The following IDUA variants were observed in gnomAD, a reference collection of about 807,000 sequenced individuals.
IDUA encodes alpha-L-iduronidase.
IDUA carries 65 observed loss-of-function variants against 68.9 expected under a neutral mutation model. The observed-to-expected ratio is 0.94, with a 90% CI of 0.77 to 1.16. The LOEUF (loss-of-function observed/expected upper bound fraction) is 1.16, where lower values mean the gene tolerates loss of function less well. Ranked by LOEUF, IDUA falls within the 50% of genes most tolerant of loss-of-function variation. The pLI is 0.00. For missense variants in IDUA, 1,046 were observed against 938.0 expected, an observed-to-expected ratio of 1.12 and a Z score of -1.50; for synonymous variants, 529 against 433.6, an observed-to-expected ratio of 1.22 and a Z score of -2.73.
At chr4:999,289 A>G (rs1330043005) in intron 2 of IDUA, among the ~76,000 whole-genome samples, 2 of 152,032 alleles carry the variant, frequency 1.3e-5, no homozygotes, top group African/African-American at 2.4e-5. Flanking sequence ...GCTCTGGGTC[A>G]GGGTCCCATC....
chr4:988,563 A>G, intron 2 of IDUA: 1 of 1,313,540 alleles, frequency 7.6e-7, no homozygotes, highest in Non-Finnish European at 9.7e-7. Flanking sequence ...ATCCCTCCTG[A>G]GCTGAGGGAC....
intron 9 of IDUA, 27 bp from the exon 10 acceptor site, chr4:1,003,009 C>T (rs1328050298): frequency 2.8e-6 from 4 of 1,448,406 alleles, no homozygotes; most frequent in South Asian, 1.4e-5. Flanking sequence ...GCCCGGGGAG[C>T]CGAGGCCTGA....
At position 1,001,673 on chromosome 4, in the gene IDUA, G is replaced by T; in HGVS notation, c.590-6G>T. On this transcript the variant is annotated splice_region_variant and splice_polypyrimidine_tract_variant and intron_variant, in intron 5 of 13. Transcript: ENST00000514224. ...CAGGTGTAGACGCAGTGCTCCCCCG[G>T]CCCAGGCTTCCTGAACTACTACGAT... 2 of 1,601,938 alleles carry T rather than the reference G, an allele frequency of 1.2e-6. No individual in the cohort carries two copies. Among genetic ancestry groups the T allele is most frequent in the Non-Finnish European group, 1.7e-6 (2 of 1,178,962 alleles).
chr4:1,001,440 C>T (rs760447114), intron 4 of IDUA, 28 bp from the exon 5 acceptor site: 1 of 1,594,792 alleles, frequency 6.3e-7, no homozygotes, highest in South Asian at 1.1e-5. Flanking sequence ...TTCACCTGTG[C>T]TGGGGGGACA....
chr4:997,550 C>T (rs1353486218), intron 2 of IDUA, among the ~76,000 whole-genome samples: 1 of 151,490 alleles, frequency 6.6e-6, no homozygotes, highest in Non-Finnish European at 1.5e-5. Context: ...GTGAATGAGC[C>T]CGTTGTGCGG....
intron 12 of IDUA, 60 bp downstream of exon 12, chr4:1,003,685 C>A: frequency 1.3e-6 from 2 of 1,581,902 alleles, no homozygotes; most frequent in Non-Finnish European, 1.7e-6. Flanking sequence ...TGGGTCCCGA[C>A]CCCTTCACCC....
At chr4:988,065 C>A in intron 2 of IDUA, 116 bp downstream of exon 2, 1 of 1,468,076 alleles carries the variant, frequency 6.8e-7, no homozygotes, top group South Asian at 1.4e-5. Context: ...GCCGAAGCAC[C>A]CTGTTGGGGA....
At chr4:988,329 C>T (rs897890104) in intron 2 of IDUA, 2 of 1,095,344 alleles carry the variant, frequency 1.8e-6, no homozygotes, top group Middle Eastern at 4.1e-4. Flanking sequence ...CAGGTGGCCA[C>T]CCTGTGAGGG....
chr4:992,575 G>C (rs1714451888), intron 2 of IDUA: 1 of 216,026 alleles, frequency 4.6e-6, no homozygotes, highest in Non-Finnish European at 9.4e-6. Context: ...TGCCCAGACA[G>C]TTCTGGGACG....
chr4:987,688 C>G, intron 1 of IDUA, 121 bp from the exon 2 acceptor site: 2 of 1,521,654 alleles, frequency 1.3e-6, no homozygotes, highest in Non-Finnish European at 8.8e-7. Context: ...TTATTAGTCA[C>G]TGAACGCACG....
In IDUA at chr4:1,002,279, A is replaced by T; in HGVS notation, c.983A>T (p.Gln328Leu). 6.2e-7 allele frequency: 1 copy of T among 1,611,748 alleles called. No homozygotes were observed. The highest frequency in any genetic ancestry group is 2.2e-5 in the East Asian group (1 of 44,784). The stretch of plus-strand genomic sequence containing the variant: ...CCTGGACACCCGCAGGTCATCGCGC[A>T]GCATCAGAACCTGCTACTGGCCAAC... ...YAAMVVKVIA[Q>L]HQNLLLANTT... Residue 328 changes from glutamine (Q) to leucine (L), a missense_variant, in exon 8 of 14, where the codon CAG (glutamine) becomes CTG (leucine). Transcript: ENST00000514224.
In IDUA at chr4:987,183, T is replaced by A; in HGVS notation, c.99T>A (p.His33Gln). The change falls in exon 1 of 14, where the codon CAT becomes CAA. Residue 33 changes from histidine (H) to glutamine (Q), a missense_variant. Transcript: ENST00000514224. The stretch of plus-strand genomic sequence containing the variant: ...CGGCCGAGGCCCCGCACCTGGTGCA[T>A]GTGGACGCGGCCCGCGCGCTGTGGC... Reference protein sequence around the residue: ...VAPAEAPHLVHVDAARALWPL... With the variant: ...VAPAEAPHLVQVDAARALWPL... 6.8e-7 allele frequency: 1 copy of A among 1,473,436 alleles called. No individual in the cohort carries two copies. Among genetic ancestry groups the A allele is most frequent in the Non-Finnish European group, 8.9e-7 (1 of 1,118,776 alleles). The allele number at this position is 1,473,436 out of a possible 1,614,324, so 91.3% of individuals were successfully genotyped here.
chr4:1,002,712 G>T lies in IDUA; in HGVS notation c.1190-20G>T, dbSNP rs1460668153. The T allele has an allele frequency of 5.8e-5, 83 of 1,439,702 alleles. No homozygotes were observed. Among genetic ancestry groups the T allele is most frequent in the Non-Finnish European group, 7.5e-5 (81 of 1,087,128 alleles). 89.2% of individuals were successfully genotyped at this position (1,439,702 alleles called of 1,614,324 possible). ...CTGGGCAACGACCCCACGCGGCGAC[G>T]GCCCCCCCCCGCCCCGCAGATGAGG... is the stretch of plus-strand genomic sequence containing the variant. On this transcript the variant is annotated intron_variant, in intron 8 of 13. Transcript: ENST00000514224.
rs559441887 is a variant in IDUA, at chr4:996,563, C to T, written c.300-4049C>T. Among the ~76,000 whole-genome samples, 15 of 152,286 alleles carry T rather than the reference C, an allele frequency of 9.8e-5. No individual in the cohort carries two copies. In the East Asian group the frequency reaches 1.2e-3, roughly 12 times the overall value. ...TGTGGTGAGGTTTTAGGCAGGTGAG[C>T]GTAGTTCAGGAACAGCCTCAGCCGC... On this transcript the variant is annotated intron_variant, in intron 2 of 13. Coordinates refer to ENST00000514224, the MANE Select transcript of IDUA (RefSeq NM_000203.5).
chr4:990,713 C>T, intron 2 of IDUA: 1 of 410,464 alleles, frequency 2.4e-6, no homozygotes, highest in Non-Finnish European at 4.4e-6. Flanking sequence ...GTGCCCACTG[C>T]CCCCCATGCA....
At chr4:990,334 A>G in intron 2 of IDUA, 1 of 1,603,650 alleles carries the variant, frequency 6.2e-7, no homozygotes, top group Non-Finnish European at 8.5e-7. Context: ...GGCGGACACG[A>G]AGCCCAGCCG....
intron 2 of IDUA, chr4:991,518 C>T (rs1199519846): frequency 3.7e-6 from 6 of 1,608,046 alleles, no homozygotes; most frequent in African/African-American, 1.3e-5. Context: ...GCGGGCGGTA[C>T]TGACGCAGCC....
Position 1,001,737 on chromosome 4 carries a change from G to A in IDUA, c.648G>A (p.Leu216=), listed in dbSNP as rs1289155564. The A allele has an allele frequency of 1.3e-6, 2 of 1,598,846 alleles. No individual in the cohort carries two copies. The highest frequency in any genetic ancestry group is 1.6e-4 in the Middle Eastern group (1 of 6,064). The change falls in exon 6 of 14, where the codon CTG becomes CTA. Residue 216 remains leucine (L), a synonymous_variant. Transcript: ENST00000514224. ...GTCTGCGCGCCGCCAGCCCCGCCCT[G>A]CGGCTGGGAGGCCCCGGCGACTCCT... is the stretch of plus-strand genomic sequence containing the variant. ...SEGLRAASPA[L]RLGGPGDSFH...
In IDUA at chr4:1,002,752, G is replaced by A; in HGVS notation, c.1210G>A (p.Glu404Lys). 1.3e-6 allele frequency: 2 copies of A among 1,483,042 alleles called. No individual in the cohort carries two copies. Among genetic ancestry groups the A allele is most frequent in the Non-Finnish European group, 8.9e-7 (1 of 1,123,240 alleles). The allele number at this position is 1,483,042 out of a possible 1,614,324, so 91.9% of individuals were successfully genotyped here. Reference protein sequence around the residue: ...ALLDEEQLWAEVSQAGTVLDS... With the variant: ...ALLDEEQLWAKVSQAGTVLDS... ...CGCAGATGAGGAGCAGCTCTGGGCC[G>A]AAGTGTCGCAGGCCGGGACCGTCCT... The change falls in exon 9 of 14, where the codon GAA becomes AAA. Residue 404 changes from glutamate to lysine, a missense_variant. Coordinates refer to ENST00000514224, the MANE Select transcript of IDUA (RefSeq NM_000203.5).
Sources: allele counts gnomAD v4.1 joint callset (sites outside exome capture counted in the v4.1 genomes callset), GRCh38; gene constraint gnomAD v4.1.1; transcripts MANE v1.5; gene names NCBI Gene and HGNC (gene_info 2026-07-23, HGNC 2026-07-21).